FAM135A: variants seen among roughly 807,000 people sequenced by gnomAD.
FAM135A encodes protein FAM135A.
FAM135A carries 79 observed loss-of-function variants against 146.8 expected under a neutral mutation model. The observed-to-expected ratio is 0.54, with a 90% CI of 0.45 to 0.65. The LOEUF is 0.65. Ranked by LOEUF, FAM135A falls within the 30% of genes least tolerant of loss-of-function variation. FAM135A has a pLI of 0.00. For missense variants in FAM135A, 1,623 were observed against 1,758.2 expected (o/e 0.92, Z 1.38); for synonymous variants, 562 against 603.6 (o/e 0.93, Z 1.01).
At chr6:70,415,764 G>T (rs1332992189) in intron 2 of FAM135A, among the ~76,000 whole-genome samples, 1 of 152,012 alleles carries the variant, frequency 6.6e-6, no homozygotes, top group Non-Finnish European at 1.5e-5. Flanking sequence ...ATTTGTGGTG[G>T]ACAGCAGGCA....
rs546674936 is a variant in FAM135A at position 70,450,716 on chromosome 6, G to GTTTTTTTTTTTTT, written c.78-1746_78-1734dup. 6.3e-4 allele frequency among the ~76,000 whole-genome samples: 18 copies of GTTTTTTTTTTTTT among 28,348 alleles called. 6 individuals carry two copies. Among genetic ancestry groups the GTTTTTTTTTTTTT allele is most frequent in the South Asian group, 4.4e-3 (2 of 454 alleles). 18.6% of individuals were successfully genotyped at this position (28,348 alleles called of 152,430 possible). On this transcript the variant is annotated intron_variant, in intron 4 of 21. Transcript: ENST00000418814. Reference sequence around the variant, plus strand: ...CTCAGGGAGTGTGACCCTTTTAGTTGTTTTTTTTTTTTTTTTTTTTTTTTT... The same window carrying GTTTTTTTTTTTTT: ...CTCAGGGAGTGTGACCCTTTTAGTTGTTTTTTTTTTTTTTTTTTTTTTTTTTTTTTTTTTTTTT...
chr6:70,442,047 A>C (rs577194919), intron 4 of FAM135A, among the ~76,000 whole-genome samples: 1 of 152,122 alleles, frequency 6.6e-6, no homozygotes, highest in East Asian at 1.9e-4. Context: ...TTCCAGTTTA[A>C]GTTTACAAGG....
chr6:70,482,057 T>C lies in FAM135A; in HGVS notation c.726T>C (p.Tyr242=). The change falls in exon 10 of 22, where the codon TAT becomes TAC. Residue 242 remains tyrosine, a synonymous_variant. Transcript: ENST00000418814. ...SFLHHAYRFH[Y]TLCATLLLAF... The stretch of plus-strand genomic sequence containing the variant: ...TACATCATGCGTATCGTTTTCATTA[T>C]ACACTTTGTGCCACTTTGCTGCTAG... The C allele has an allele frequency of 9.9e-6, 16 of 1,613,876 alleles. No individual in the cohort carries two copies. Among genetic ancestry groups the C allele is most frequent in the Non-Finnish European group, 1.4e-5 (16 of 1,179,854 alleles).
intron 2 of FAM135A, among the ~76,000 whole-genome samples, chr6:70,425,933 T>C (rs9455098): frequency 5.7e-4 from 87 of 151,372 alleles, no homozygotes; most frequent in Non-Finnish European, 8.8e-4. Flanking sequence ...GAAACCCTGT[T>C]TCTACTAAAA....
intron 2 of FAM135A, chr6:70,418,530 A>T (rs1372642352): frequency 6.6e-6 from 1 of 152,214 alleles, no homozygotes; most frequent in Non-Finnish European, 1.5e-5. Context: ...GGGTTTCGCT[A>T]TGTTGGCCAG....
At chr6:70,413,904 GCT>G in intron 1 of FAM135A, 3 of 985,376 alleles carry the variant, frequency 3.0e-6, no homozygotes, top group Non-Finnish European at 3.6e-6. Context: ...GGTGCGGAGC[GCT>G]CTGAGGGAGG....
chr6:70,528,296 C>T lies in FAM135A; in HGVS notation c.3619C>T (p.Leu1207Phe). 1 of 1,605,756 alleles carries T rather than the reference C, an allele frequency of 6.2e-7. No individual in the cohort carries two copies. The highest frequency in any genetic ancestry group is 1.1e-5 in the South Asian group (1 of 89,154). The change falls in exon 16 of 22, where the codon CTT (leucine) becomes TTT (phenylalanine). Residue 1207 changes from leucine to phenylalanine, a missense_variant. This residue lies in a region of FAM135A where 1,061 missense variants were observed against 1,113.8 expected (regional missense o/e 0.95). Coordinates refer to ENST00000418814, the MANE Select transcript of FAM135A (RefSeq NM_001162529.3). ...SSPKPQIQAF[L>F]QAKEELKLLK... ...ATCTTTTGTATTTTGCTTCAGCTTC[C>T]TTCAGGCAAAAGAAGAACTGAAGCT...
intron 5 of FAM135A, among the ~76,000 whole-genome samples, chr6:70,458,616 G>A (rs573018008): frequency 2.0e-5 from 3 of 152,224 alleles, no homozygotes; most frequent in South Asian, 2.1e-4. Flanking sequence ...ATCTGGTAAA[G>A]TATCAAGTAT....
At chr6:70,473,005 C>G (rs892680215) in intron 5 of FAM135A, among the ~76,000 whole-genome samples, 2 of 152,170 alleles carry the variant, frequency 1.3e-5, no homozygotes, top group South Asian at 4.1e-4. Context: ...CAATTAATGT[C>G]TCTTGTTTCT....
intron 12 of FAM135A, among the ~76,000 whole-genome samples, chr6:70,518,815 A>G (rs1319982424): frequency 2.0e-5 from 3 of 152,236 alleles, no homozygotes; most frequent in African/African-American, 7.2e-5. Context: ...GATTCCTTTC[A>G]GAATATTATT....
At chr6:70,429,900 ATT>A (rs1202599426) in intron 4 of FAM135A, among the ~76,000 whole-genome samples, 4 of 144,778 alleles carry the variant, frequency 2.8e-5, no homozygotes, top group Non-Finnish European at 3.1e-5. Flanking sequence ...GAGATTCTCT[ATT>A]TTTTTTTTTT....
At chr6:70,532,402 T>C (rs906067602) in intron 16 of FAM135A, among the ~76,000 whole-genome samples, 2 of 152,146 alleles carry the variant, frequency 1.3e-5, no homozygotes, top group African/African-American at 4.8e-5. Context: ...AAAATAAACT[T>C]TCTTAGATAT....
chr6:70,482,075 G>A lies in FAM135A; in HGVS notation c.744G>A (p.Leu248=), dbSNP rs149338749. 461 of 1,613,736 alleles carry A rather than the reference G, an allele frequency of 2.9e-4. 1 individual carries two copies. The highest frequency in any genetic ancestry group is 1.1e-4 in the Non-Finnish European group (124 of 1,179,822). Residue 248 remains leucine, a synonymous_variant, in exon 10 of 22, where the codon TTG becomes TTA. Coordinates refer to ENST00000418814, the MANE Select transcript of FAM135A (RefSeq NM_001162529.3). ...YRFHYTLCAT[L]LLAFKGLHSY... ...TTCATTATACACTTTGTGCCACTTT[G>A]CTGCTAGCCTTCAAGGGATTGCACA...
intron 5 of FAM135A, among the ~76,000 whole-genome samples, chr6:70,462,888 G>T (rs1227174728): frequency 6.6e-6 from 1 of 152,146 alleles, no homozygotes; most frequent in Non-Finnish European, 1.5e-5. Flanking sequence ...TAGCTACTTG[G>T]AATAAAGCTT....
At chr6:70,486,770 A>G (rs1036408356) in intron 10 of FAM135A, among the ~76,000 whole-genome samples, 2 of 152,128 alleles carry the variant, frequency 1.3e-5, no homozygotes, top group African/African-American at 4.8e-5. Context: ...CTCTACTAAA[A>G]ATACAAAATT....
At chr6:70,418,599 G>A (rs1768058153) in intron 2 of FAM135A, 1 of 152,398 alleles carries the variant, frequency 6.6e-6, no homozygotes, top group South Asian at 2.1e-4. Flanking sequence ...TTACAGGCAT[G>A]AGCCACTGTG....
At chr6:70,514,545 A>G (rs1791759807) in intron 12 of FAM135A, among the ~76,000 whole-genome samples, 1 of 152,006 alleles carries the variant, frequency 6.6e-6, no homozygotes, top group South Asian at 2.1e-4. Context: ...AAAATCAACA[A>G]CTCTTCTTAG....
intron 4 of FAM135A, among the ~76,000 whole-genome samples, chr6:70,449,830 AC>A (rs1776642789): frequency 6.6e-6 from 1 of 152,134 alleles, no homozygotes; most frequent in African/African-American, 2.4e-5. Flanking sequence ...TTTTTGAGGA[AC>A]CTCTATAATG....
At chr6:70,484,062 T>A (rs1784196272) in intron 10 of FAM135A, among the ~76,000 whole-genome samples, 1 of 152,216 alleles carries the variant, frequency 6.6e-6, no homozygotes, top group Admixed American at 6.5e-5. Flanking sequence ...ACAATACTTC[T>A]TAACAGTGTA....
Sources: gnomAD v4.1 joint callset for allele counts (sites outside exome capture counted in the v4.1 genomes callset) on GRCh38, gnomAD v4.1.1 for gene constraint, gnomAD v4.1.1 regional missense constraint, MANE v1.5 for transcripts, NCBI Gene and HGNC (gene_info 2026-07-23, HGNC 2026-07-21) for gene names.